The following ATP13A4 variants were observed in gnomAD, a reference collection of about 807,000 sequenced individuals.
ATP13A4 encodes the protein probable cation-transporting ATPase 13A4.
A neutral mutation model predicts 142.5 loss-of-function variants in ATP13A4; 114 were observed. The ratio of observed to expected loss-of-function variants is 0.80; its 90% CI spans 0.69 to 0.93. The LOEUF (loss-of-function observed/expected upper bound fraction) is 0.93, where lower values mean the gene tolerates loss of function less well. ATP13A4 is among the 40% of genes least tolerant of loss of function. The pLI is 0.00. For missense variants in ATP13A4, 1,392 were observed against 1,454.0 expected (o/e 0.96, Z 0.69); for synonymous variants, 488 against 514.8 (o/e 0.95, Z 0.70).
At chr3:193,439,089 T>C (rs372759759) in intron 21 of ATP13A4, 24 bp from the exon 22 acceptor site, 15 of 1,579,200 alleles carry the variant, frequency 9.5e-6, no homozygotes, top group East Asian at 2.2e-5. Context: ...ACATTAATTG[T>C]AGATGAGATC....
rs138552259 is a variant in ATP13A4 at position 193,457,125 on chromosome 3, T to C, written c.1790A>G (p.His597Arg). The change falls in exon 16 of 30, where the codon CAT becomes CGT. Residue 597 changes from histidine (H) to arginine (R), a missense_variant. His to Arg is a conservative substitution (Grantham distance 29). Coordinates refer to ENST00000342695, the MANE Select transcript of ATP13A4 (RefSeq NM_032279.4). The part of the protein sequence containing the change: ...QVPVEGIAIL[H>R]QFPFSSALQR... ...CAGTGCCGATGAGAATGGGAACTGA[T>C]GCAGGATTGCAATTCCTTCCACTGG... is the stretch of plus-strand genomic sequence containing the variant. 5 of 1,613,350 alleles carry C rather than the reference T, an allele frequency of 3.1e-6. No homozygotes were observed. In the East Asian group the frequency reaches 6.7e-5, roughly 22 times the overall value.
At chr3:193,421,843 C>A (rs1451464322) in intron 25 of ATP13A4, among the ~76,000 whole-genome samples, 1 of 149,198 alleles carries the variant, frequency 6.7e-6, no homozygotes, top group Non-Finnish European at 1.5e-5. Context: ...CTGGAGAAAA[C>A]CACCAAATCA....
intron 1 of ATP13A4, among the ~76,000 whole-genome samples, chr3:193,519,808 C>A (rs976606912): frequency 6.6e-6 from 1 of 151,604 alleles, no homozygotes; most frequent in African/African-American, 2.4e-5. Context: ...CTGTGCCCAG[C>A]TAATTTTTGT....
At chr3:193,496,369 T>C (rs548666458) in intron 3 of ATP13A4, among the ~76,000 whole-genome samples, 217 of 152,138 alleles carry the variant, frequency 1.4e-3, no homozygotes, top group African/African-American at 5.1e-3. Flanking sequence ...GGCAGAGAAA[T>C]AGACATATAG....
intron 1 of ATP13A4, among the ~76,000 whole-genome samples, chr3:193,587,978 T>TTA (rs1553863647): frequency 2.0e-5 from 3 of 151,032 alleles, no homozygotes; most frequent in Non-Finnish European, 4.4e-5. Context: ...TATATATATT[T>TTA]AAAAATTAGC....
chr3:193,516,826 G>A (rs373715392), intron 1 of ATP13A4, among the ~76,000 whole-genome samples: 22 of 152,122 alleles, frequency 1.4e-4, no homozygotes, highest in East Asian at 7.7e-4. Context: ...AGTTTCCAAA[G>A]TGTCTTTGTG....
intron 1 of ATP13A4, chr3:193,553,581 T>C (rs1403119811): frequency 2.0e-5 from 3 of 152,250 alleles, no homozygotes. Flanking sequence ...AGCAAGCCAT[T>C]TCTGGTGACA....
At chr3:193,417,335 A>G (rs568713798) in intron 25 of ATP13A4, among the ~76,000 whole-genome samples, 47 of 152,366 alleles carry the variant, frequency 3.1e-4, no homozygotes, top group Non-Finnish European at 5.6e-4. Context: ...ATAAATGCTG[A>G]TATTTGTGTA....
At chr3:193,557,729 A>G (rs977541773), upstream of ATP13A4, among the ~76,000 whole-genome samples, 1 of 152,234 alleles carries the variant, frequency 6.6e-6, no homozygotes, top group African/African-American at 2.4e-5. Context: ...GGCACATCCA[A>G]AGTGCTCTGC....
At chr3:193,583,892 T>A (rs571532058) in intron 1 of ATP13A4, among the ~76,000 whole-genome samples, 1 of 152,256 alleles carries the variant, frequency 6.6e-6, no homozygotes, top group East Asian at 1.9e-4. Context: ...ATTGTTCTTT[T>A]AAAAAATGAT....
At chr3:193,485,961 AC>A (rs1237845301) in intron 7 of ATP13A4, among the ~76,000 whole-genome samples, 4 of 151,706 alleles carry the variant, frequency 2.6e-5, no homozygotes, top group African/African-American at 9.7e-5. Context: ...CTTCTATTAA[AC>A]CAAACATAAA....
At chr3:193,407,195 C>T (rs1714540593) in intron 29 of ATP13A4, 118 bp downstream of exon 29, 2 of 817,410 alleles carry the variant, frequency 2.4e-6, no homozygotes, top group African/African-American at 1.7e-5. Context: ...AGGAAGGGAG[C>T]CCCTGCACTG....
At chr3:193,443,999 G>A (rs1251486903) in intron 18 of ATP13A4, among the ~76,000 whole-genome samples, 1 of 151,840 alleles carries the variant, frequency 6.6e-6, no homozygotes, top group Non-Finnish European at 1.5e-5. Context: ...AGGAAAAAAG[G>A]TTGAAAAAGA....
chr3:193,527,087 C>T (rs527847928), intron 1 of ATP13A4, among the ~76,000 whole-genome samples: 1 of 152,048 alleles, frequency 6.6e-6, no homozygotes, highest in South Asian at 2.1e-4. Flanking sequence ...GCTTTGCAAC[C>T]GCTGGTATAG....
At chr3:193,476,129 C>A (rs998872467) in intron 8 of ATP13A4, among the ~76,000 whole-genome samples, 4 of 151,950 alleles carry the variant, frequency 2.6e-5, no homozygotes, top group Non-Finnish European at 4.4e-5. Flanking sequence ...CCTCATAATG[C>A]ATTTTATCTT....
intron 2 of ATP13A4, among the ~76,000 whole-genome samples, chr3:193,514,387 T>A (rs1335278751): frequency 6.6e-6 from 1 of 152,226 alleles, no homozygotes; most frequent in African/African-American, 2.4e-5. Flanking sequence ...TTCAGCTCCA[T>A]CCATGTCCTG....
chr3:193,515,894 G>C (rs866329207), intron 1 of ATP13A4, among the ~76,000 whole-genome samples: 2 of 152,196 alleles, frequency 1.3e-5, no homozygotes, highest in Admixed American at 6.5e-5. Context: ...TCAGAGACTA[G>C]CTCTGCCACT....
At chr3:193,560,021 T>C (rs972094121) in intron 2 of ATP13A4, among the ~76,000 whole-genome samples, 7 of 152,184 alleles carry the variant, frequency 4.6e-5, no homozygotes, top group Admixed American at 3.3e-4. Context: ...ATACAAGTTA[T>C]GGTGCTATTA....
intron 1 of ATP13A4, among the ~76,000 whole-genome samples, chr3:193,538,497 TAA>T (rs376175094): frequency 5.5e-4 from 67 of 122,230 alleles, no homozygotes; most frequent in African/African-American, 1.5e-3. Flanking sequence ...GAATCCACAT[TAA>T]AAAAAAAAAA....
Sources: allele counts gnomAD v4.1 joint callset (sites outside exome capture counted in the v4.1 genomes callset), GRCh38; gene constraint gnomAD v4.1.1; transcripts MANE v1.5; gene names NCBI Gene and HGNC (gene_info 2026-07-23, HGNC 2026-07-21).